The following AKR1C3 variants were observed in gnomAD, a reference collection of about 807,000 sequenced individuals.
The protein encoded by AKR1C3 is 3-alpha hydroxysteroid dehydrogenase, type II.
AKR1C3 carries 48 observed loss-of-function variants against 43.6 expected under a neutral mutation model. The observed-to-expected ratio is 1.10, with a 90% confidence interval of 0.87 to 1.40. The LOEUF (loss-of-function observed/expected upper bound fraction) is 1.40. Ranked by LOEUF, AKR1C3 falls within the 40% of genes most tolerant of loss-of-function variation. The pLI, the probability that AKR1C3 is intolerant of heterozygous loss-of-function variation, is 0.00. For missense variants in AKR1C3, 482 were observed against 391.2 expected, an observed-to-expected ratio of 1.23 and a Z score of -1.96; for synonymous variants, 162 against 139.6, an observed-to-expected ratio of 1.16 and a Z score of -1.13.
chr10:5,095,137 C>G (rs781848224), intron 1 of AKR1C3, among the ~76,000 whole-genome samples: 13 of 152,002 alleles, frequency 8.6e-5, no homozygotes, highest in Non-Finnish European at 1.8e-4. Flanking sequence ...ATTCTTAGTC[C>G]TTTTTTGTAT....
chr10:5,054,853 G>A (rs1417368841), intron 1 of AKR1C3, among the ~76,000 whole-genome samples: 1 of 152,050 alleles, frequency 6.6e-6, no homozygotes, highest in Non-Finnish European at 1.5e-5. Context: ...TTATGCTGCT[G>A]TTCTCCCCTC....
intron 1 of AKR1C3, among the ~76,000 whole-genome samples, chr10:5,051,706 C>T (rs1838157659): frequency 6.6e-6 from 1 of 152,086 alleles, no homozygotes; most frequent in Non-Finnish European, 1.5e-5. Context: ...TACCAGAGGC[C>T]CTGTGTGTAG....
chr10:5,103,474 C>G (rs907335379), intron 7 of AKR1C3, among the ~76,000 whole-genome samples: 4 of 152,102 alleles, frequency 2.6e-5, no homozygotes, highest in African/African-American at 7.2e-5. Flanking sequence ...ACTCAGGATT[C>G]TCTAGTTAGA....
chr10:5,094,385 T>G, upstream of AKR1C3: 1 of 1,589,090 alleles, frequency 6.3e-7, no homozygotes, highest in Non-Finnish European at 8.6e-7. Flanking sequence ...TGCCCATTGT[T>G]TTTGTAATCT....
chr10:5,075,733 G>A (rs529516950), intron 1 of AKR1C3, among the ~76,000 whole-genome samples: 1 of 152,238 alleles, frequency 6.6e-6, no homozygotes, highest in Non-Finnish European at 1.5e-5. Context: ...AATTAGCCGG[G>A]CATGGTGGTG....
intron 1 of AKR1C3, among the ~76,000 whole-genome samples, chr10:5,066,384 G>T (rs183269470): frequency 6.6e-6 from 1 of 152,114 alleles, no homozygotes; most frequent in East Asian, 1.9e-4. Flanking sequence ...TAGGGCCTTA[G>T]TGCCACTCTC....
Position 5,099,468 on chromosome 10 carries a change from C to T in AKR1C3, c.570+19C>T. The T allele has an allele frequency of 6.2e-7, 1 of 1,614,046 alleles. No homozygotes were observed. Among genetic ancestry groups the T allele is most frequent in the Non-Finnish European group, 8.5e-7 (1 of 1,179,948 alleles). On this transcript the variant is annotated intron_variant, in intron 5 of 8. Coordinates refer to ENST00000380554, the MANE Select transcript of AKR1C3 (RefSeq NM_003739.6). ...CAACCAGGTGAGCTCCCTTGGCCTT[C>T]TCTCCTTTCGGTTCTTCATGCCCCC...
chr10:5,076,263 G>T (rs2131810795), intron 1 of AKR1C3, among the ~76,000 whole-genome samples: 1 of 152,272 alleles, frequency 6.6e-6, no homozygotes, highest in South Asian at 2.1e-4. Context: ...AATCCTCAAT[G>T]CAATAGTGTT....
At chr10:5,054,227 A>T (rs1384809794) in intron 1 of AKR1C3, among the ~76,000 whole-genome samples, 4 of 152,174 alleles carry the variant, frequency 2.6e-5, no homozygotes, top group African/African-American at 9.7e-5. Context: ...TCTATTTGGG[A>T]TTGTAAAGTA....
At chr10:5,106,452 G>A (rs967320255) in intron 8 of AKR1C3, among the ~76,000 whole-genome samples, 4 of 152,084 alleles carry the variant, frequency 2.6e-5, no homozygotes, top group Admixed American at 2.6e-4. Context: ...GTAAATGCAG[G>A]AAAAGCAGGA....
chr10:5,102,168 T>C lies in AKR1C3; in HGVS notation c.638T>C (p.Leu213Pro). 1 of 1,614,148 alleles carries C rather than the reference T, an allele frequency of 6.2e-7. No individual in the cohort carries two copies. The highest frequency in any genetic ancestry group is 1.1e-5 in the South Asian group (1 of 91,076). ...LDFCKSKDIV[L>P]VAYSALGSQR... is the part of the protein sequence containing the mutation. ...TTCTGCAAGTCGAAAGATATTGTTC[T>C]GGTTGCCTATAGTGCTCTGGGATCT... The change falls in exon 6 of 9, where the codon CTG (leucine) becomes CCG (proline). Residue 213 changes from leucine (L) to proline (P), a missense_variant. Coordinates refer to ENST00000380554, the MANE Select transcript of AKR1C3 (RefSeq NM_003739.6).
In AKR1C3 at chr10:5,098,500, G is replaced by T. The variant is rs1054368691; in HGVS notation, c.370-302G>T. Reference sequence around the variant, plus strand: ...CAAGGTATTTCCAAATCAAAGAGAGGTACTTCAATAGAGGAAATTATAAGG... The same window carrying T: ...CAAGGTATTTCCAAATCAAAGAGAGTTACTTCAATAGAGGAAATTATAAGG... On this transcript the variant is annotated intron_variant, in intron 3 of 8. Transcript: ENST00000380554. Among the ~76,000 whole-genome samples the T allele has an allele frequency of 2.6e-5, 4 of 152,234 alleles. No individual in the cohort carries two copies. In the East Asian group the frequency reaches 5.8e-4, roughly 22 times the overall value.
chr10:5,102,423 G>A (rs549874427), intron 6 of AKR1C3, 62 bp from the exon 7 acceptor site: 10 of 1,242,032 alleles, frequency 8.1e-6, no homozygotes, highest in East Asian at 2.5e-5. Context: ...AGTCTGTTTA[G>A]GGAGCCGCCT....
intron 1 of AKR1C3, among the ~76,000 whole-genome samples, chr10:5,088,920 C>T (rs1348144088): frequency 3.9e-5 from 6 of 151,924 alleles, no homozygotes; most frequent in African/African-American, 1.4e-4. Flanking sequence ...ACTTCATGTC[C>T]TTTTATGATG....
upstream of AKR1C3, among the ~76,000 whole-genome samples, chr10:5,091,557 T>C (rs1554784172): frequency 6.6e-6 from 1 of 152,182 alleles, no homozygotes; most frequent in African/African-American, 2.4e-5. Context: ...ATAATATTTG[T>C]ATTCCTTTCT....
At chr10:5,052,778 C>T (rs1838178627) in intron 1 of AKR1C3, among the ~76,000 whole-genome samples, 1 of 152,072 alleles carries the variant, frequency 6.6e-6, no homozygotes, top group Admixed American at 6.5e-5. Context: ...AAGTCCCCAC[C>T]AGAGTAGCTA....
rs782442549 is a variant in AKR1C3, at chr10:5,107,497, A to ATATT, written c.967_970dup (p.Ter324LeufsTer28). ...ACCCTAATTATCCATATTCAGATGA[A>ATATT]TATTAACATGGAGGGCTTTGCCTGA... On this transcript the variant is annotated frameshift_variant, in exon 9 of 9. Transcript: ENST00000380554. LOFTEE classifies it high-confidence loss of function. 6.3e-7 allele frequency: 1 copy of ATATT among 1,588,918 alleles called. No individual in the cohort carries two copies. The highest frequency in any genetic ancestry group is 8.6e-7 in the Non-Finnish European group (1 of 1,157,618).
chr10:5,098,234 A>C, intron 3 of AKR1C3: 1 of 958,532 alleles, frequency 1.0e-6, no homozygotes, highest in Non-Finnish European at 1.2e-6. Context: ...TCATTTGTCT[A>C]TTCTTATCTC....
chr10:5,096,414 C>T lies in AKR1C3; in HGVS notation c.89C>T (p.Pro30Leu), dbSNP rs370092384. The change falls in exon 2 of 9, where the codon CCG becomes CTG. Residue 30 changes from proline to leucine, a missense_variant. Physicochemically the swap from Pro to Leu is moderately conservative, Grantham distance 98. Coordinates refer to ENST00000380554, the MANE Select transcript of AKR1C3 (RefSeq NM_003739.6). ...GFGTYAPPEVPRSKALEVTKL... is the reference protein window; with the variant it reads ...GFGTYAPPEVLRSKALEVTKL... ...TACCTTTGGTTGCTCCTCCAGGTTC[C>T]GAGAAGTAAAGCTTTGGAGGTCACA... 10 of 1,612,424 alleles carry T rather than the reference C, an allele frequency of 6.2e-6. No individual in the cohort carries two copies. The highest frequency in any genetic ancestry group is 3.3e-5 in the Admixed American group (2 of 59,942).
Sources: allele counts gnomAD v4.1 joint callset (sites outside exome capture counted in the v4.1 genomes callset), GRCh38; gene constraint gnomAD v4.1.1; transcripts MANE v1.5; gene names NCBI Gene and HGNC (gene_info 2026-07-23, HGNC 2026-07-21).